The following INPP4B variants were observed in gnomAD, a reference collection of about 807,000 sequenced individuals.
INPP4B encodes inositol polyphosphate-4-phosphatase type II B.
In INPP4B, 55 loss-of-function variants were observed where a neutral mutation model predicts 122.5. The ratio of observed to expected loss-of-function variants is 0.45; its 90% CI spans 0.36 to 0.56. INPP4B has a LOEUF of 0.56. Among genes scored for constraint, INPP4B ranks in the 20% least tolerant of loss-of-function variants. INPP4B has a pLI of 0.00. For missense variants in INPP4B, 1,000 were observed against 1,097.7 expected (o/e 0.91, Z 1.26); for synonymous variants, 403 against 388.7 (o/e 1.04, Z -0.43).
At chr4:142,377,264 T>C (rs1288610922) in intron 7 of INPP4B, among the ~76,000 whole-genome samples, 1 of 152,002 alleles carries the variant, frequency 6.6e-6, no homozygotes, top group East Asian at 1.9e-4. Flanking sequence ...AGAAACATTT[T>C]GCTGATCTTT....
chr4:142,052,161 A>C, intron 25 of INPP4B, among the ~76,000 whole-genome samples: 1 of 152,108 alleles, frequency 6.6e-6, no homozygotes, highest in South Asian at 2.1e-4. Flanking sequence ...ATACCTTTCA[A>C]CTATTTACAA....
intron 11 of INPP4B, among the ~76,000 whole-genome samples, chr4:142,252,485 G>T (rs992236766): frequency 2.0e-5 from 3 of 152,088 alleles, no homozygotes; most frequent in Non-Finnish European, 4.4e-5. Flanking sequence ...ACCGCGCCCG[G>T]CCAGTAGTCA....
chr4:142,665,938 A>G (rs76778576), intron 2 of INPP4B, among the ~76,000 whole-genome samples: 4,354 of 152,266 alleles, frequency 0.029, 78 homozygotes, highest in Non-Finnish European at 0.041. Context: ...GGTTTAATTT[A>G]TAAACAAGGA....
chr4:142,764,774 C>A (rs1221472085), intron 1 of INPP4B, among the ~76,000 whole-genome samples: 1 of 151,802 alleles, frequency 6.6e-6, no homozygotes, highest in African/African-American at 2.4e-5. Context: ...AGACCCTTAA[C>A]AGGAGGGTCT....
intron 18 of INPP4B, among the ~76,000 whole-genome samples, chr4:142,138,112 A>G (rs559058146): frequency 0.12 from 17,791 of 150,892 alleles, 1,634 homozygotes; most frequent in African/African-American, 0.26. Context: ...CACTATTCAC[A>G]ATAGCAAAGA....
chr4:142,463,757 C>T (rs929271841), intron 2 of INPP4B, among the ~76,000 whole-genome samples: 2 of 152,010 alleles, frequency 1.3e-5, no homozygotes, highest in Non-Finnish European at 2.9e-5. Context: ...TTTATAAGAT[C>T]TTCCCCCTTT....
At chr4:142,826,120 C>T (rs1363791685) in intron 1 of INPP4B, among the ~76,000 whole-genome samples, 4 of 152,086 alleles carry the variant, frequency 2.6e-5, no homozygotes, top group Non-Finnish European at 5.9e-5. Flanking sequence ...ACAAATTCAT[C>T]CATGAAATAT....
In INPP4B at chr4:142,821,133, T is replaced by C. The variant is rs1780747171; in HGVS notation, c.-254+25076A>G. On this transcript the variant is annotated intron_variant, in intron 1 of 25. Transcript: ENST00000262992. The stretch of plus-strand genomic sequence containing the variant: ...TGGTCAGTTATTTCTCTAGGAATTA[T>C]AATGCCTCTTGAGAACTTGGTCAAT... 2.6e-5 allele frequency among the ~76,000 whole-genome samples: 4 copies of C among 152,164 alleles called. 1 individual carries two copies. In the South Asian group the frequency reaches 8.3e-4, roughly 32 times the overall value.
chr4:142,137,648 C>T (rs1206440094), intron 18 of INPP4B, among the ~76,000 whole-genome samples: 1 of 131,368 alleles, frequency 7.6e-6, no homozygotes, highest in East Asian at 2.3e-4. Context: ...TGACAAAGGG[C>T]TAATATCCAG....
intron 9 of INPP4B, among the ~76,000 whole-genome samples, chr4:142,272,728 T>G (rs1746472996): frequency 6.6e-6 from 1 of 152,042 alleles, no homozygotes; most frequent in African/African-American, 2.4e-5. Flanking sequence ...TCTGTATAAT[T>G]CTTCAGTACT....
intron 2 of INPP4B, among the ~76,000 whole-genome samples, chr4:142,563,729 C>T (rs563468358): frequency 2.0e-5 from 3 of 152,134 alleles, no homozygotes; most frequent in East Asian, 1.9e-4. Context: ...TGAGCATAAG[C>T]GTGAAAATAA....
intron 14 of INPP4B, among the ~76,000 whole-genome samples, chr4:142,206,278 A>AACACGTT (rs1203476430): frequency 6.6e-6 from 1 of 151,622 alleles, no homozygotes; most frequent in Non-Finnish European, 1.5e-5. Context: ...TTAAGTTTCT[A>AACACGTT]ACACGTGAAT....
intron 9 of INPP4B, among the ~76,000 whole-genome samples, chr4:142,291,956 T>G (rs372966688): frequency 2.6e-5 from 4 of 152,178 alleles, no homozygotes. Flanking sequence ...CCAGTAATAT[T>G]TGTTTTTAAC....
chr4:142,050,630 T>G (rs1022599881), intron 25 of INPP4B, among the ~76,000 whole-genome samples: 4 of 152,020 alleles, frequency 2.6e-5, no homozygotes, highest in Non-Finnish European at 5.9e-5. Context: ...GCTTATTCTC[T>G]TCCTACCTGT....
intron 5 of INPP4B, among the ~76,000 whole-genome samples, chr4:142,418,397 T>C (rs904471701): frequency 1.3e-5 from 2 of 152,144 alleles, no homozygotes; most frequent in Admixed American, 1.3e-4. Context: ...AACGTCCAAA[T>C]GTGCCCAATA....
intron 7 of INPP4B, among the ~76,000 whole-genome samples, chr4:142,395,877 G>A (rs549258256): frequency 6.6e-5 from 10 of 152,202 alleles, no homozygotes; most frequent in Admixed American, 5.9e-4. Flanking sequence ...GAGTAAAATT[G>A]TGATTGCTAG....
At chr4:142,835,931 T>C (rs1421078937) in intron 1 of INPP4B, among the ~76,000 whole-genome samples, 5 of 152,146 alleles carry the variant, frequency 3.3e-5, no homozygotes, top group African/African-American at 9.6e-5. Context: ...CATGAATGAT[T>C]GAAGCTAACG....
At chr4:142,351,622 C>T (rs78884385) in intron 7 of INPP4B, among the ~76,000 whole-genome samples, 2,127 of 152,064 alleles carry the variant, frequency 0.014, 21 homozygotes, top group Non-Finnish European at 0.023. Flanking sequence ...GAAACTACTT[C>T]CTTTTGGACA....
chr4:142,297,817 C>A (rs887625731), intron 9 of INPP4B, among the ~76,000 whole-genome samples: 3 of 152,126 alleles, frequency 2.0e-5, no homozygotes, highest in Non-Finnish European at 4.4e-5. Flanking sequence ...GCAAGCAAAC[C>A]AAGCCAAAAG....
Sources: allele counts gnomAD v4.1 joint callset (sites outside exome capture counted in the v4.1 genomes callset), GRCh38; gene constraint gnomAD v4.1.1; transcripts MANE v1.5; gene names NCBI Gene and HGNC (gene_info 2026-07-23, HGNC 2026-07-21).